The following LAMA1 variants were observed in gnomAD, a reference collection of about 807,000 sequenced individuals.
LAMA1 encodes the protein laminin subunit alpha 1, also known as laminin subunit alpha-1.
In LAMA1, 219 loss-of-function variants were observed where a neutral mutation model predicts 348.7. The observed-to-expected ratio is 0.63, with a 90% confidence interval of 0.56 to 0.70. The LOEUF is 0.70. LAMA1 is among the 30% of genes least tolerant of loss of function. The probability of loss-of-function intolerance (pLI) is 0.00; values close to 1 mark genes in which losing one functional copy is unlikely to be tolerated. For missense variants in LAMA1, 3,744 were observed against 3,888.0 expected (o/e 0.96, Z 0.99); for synonymous variants, 1,487 against 1,491.0 (o/e 1.00, Z 0.06).
intron 37 of LAMA1, 81 bp downstream of exon 37, chr18:6,986,056 C>A: frequency 6.6e-7 from 1 of 1,514,590 alleles, no homozygotes; most frequent in Non-Finnish European, 9.1e-7. Flanking sequence ...CCCAGCCAGG[C>A]CAGGGCTCAC....
At chr18:7,096,414 C>T (rs1403993182) in intron 1 of LAMA1, among the ~76,000 whole-genome samples, 2 of 152,304 alleles carry the variant, frequency 1.3e-5, no homozygotes, top group Non-Finnish European at 2.9e-5. Flanking sequence ...TCGTGGCTCA[C>T]ACCTATAATC....
At chr18:7,081,515 T>C (rs2058193346) in intron 1 of LAMA1, among the ~76,000 whole-genome samples, 1 of 152,232 alleles carries the variant, frequency 6.6e-6, no homozygotes, top group African/African-American at 2.4e-5. Context: ...AAGTCATTAT[T>C]GATCTTTGCC....
intron 13 of LAMA1, 38 bp from the exon 14 acceptor site, chr18:7,034,728 C>A: frequency 6.5e-7 from 1 of 1,545,116 alleles, no homozygotes; most frequent in Non-Finnish European, 8.9e-7. Flanking sequence ...ATTTGTCATT[C>A]AATTTAATGA....
At chr18:7,089,940 C>T (rs536568426) in intron 1 of LAMA1, among the ~76,000 whole-genome samples, 1 of 152,254 alleles carries the variant, frequency 6.6e-6, no homozygotes, top group East Asian at 1.9e-4. Flanking sequence ...ACAAATATAG[C>T]CACGTGTCAT....
chr18:6,950,872 G>A lies in LAMA1; in HGVS notation c.8307C>T (p.His2769=), dbSNP rs148724560. Residue 2769 remains histidine, a synonymous_variant, in exon 58 of 63, where the codon CAC becomes CAT. Transcript: ENST00000389658. ...CAAACATGAAGTGGAGGCGGCCCCC[G>A]TGCAGCTGGAGCACAGCGTAGTCTG... ...NQADYAVLQL[H]GGRLHFMFDL... 2.1e-4 allele frequency: 331 copies of A among 1,614,092 alleles called. 2 individuals carry two copies. The highest frequency in any genetic ancestry group is 1.9e-4 in the Non-Finnish European group (221 of 1,180,020).
chr18:6,976,226 G>A (rs529898700), intron 44 of LAMA1, 146 bp from the exon 45 acceptor site: 7 of 761,498 alleles, frequency 9.2e-6, no homozygotes, highest in Admixed American at 2.1e-5. Context: ...GTTTCATGAA[G>A]TGACATATCA....
chr18:6,958,374 A>C (rs2076274114), intron 55 of LAMA1, 103 bp downstream of exon 55: 1 of 1,324,124 alleles, frequency 7.6e-7, no homozygotes, highest in Non-Finnish European at 1.1e-6. Context: ...GGAATTTGCA[A>C]AGTTTTCAAT....
intron 14 of LAMA1, among the ~76,000 whole-genome samples, 195 bp from the exon 15 acceptor site, chr18:7,033,290 C>A (rs1217067461): frequency 2.6e-5 from 4 of 151,972 alleles, no homozygotes; most frequent in African/African-American, 9.7e-5. Flanking sequence ...TATGGTGAAA[C>A]TATTAAAAAT....
rs139516520 is a variant in LAMA1, at chr18:7,101,895, T to C, written c.61+15765A>G. 3.9e-3 allele frequency among the ~76,000 whole-genome samples: 584 copies of C among 150,720 alleles called. 6 individuals carry two copies. Among genetic ancestry groups the C allele is most frequent in the African/African-American group, 0.013 (537 of 40,938 alleles). ...GGTCTCCCTATGTTGCCCAGGCTGG[T>C]CTCGAACTCCTGGGCTTAAGGGATC... On this transcript the variant is annotated intron_variant, in intron 1 of 62. Coordinates refer to ENST00000389658, the MANE Select transcript of LAMA1 (RefSeq NM_005559.4).
chr18:7,022,648 C>T lies in LAMA1; in HGVS notation c.2701+516G>A, dbSNP rs142324058. Among the ~76,000 whole-genome samples the T allele has an allele frequency of 2.2e-3, 331 of 152,304 alleles. 2 individuals carry two copies. The highest frequency in any genetic ancestry group is 3.8e-3 in the Non-Finnish European group (257 of 68,040). ...GTGCAGGAGAATCTAGTTTTCTCCACGATCCATAATTTCAAGGATCGAATT... is the reference window on the plus strand; with the variant it reads ...GTGCAGGAGAATCTAGTTTTCTCCATGATCCATAATTTCAAGGATCGAATT... On this transcript the variant is annotated intron_variant, in intron 19 of 62. Coordinates refer to ENST00000389658, the MANE Select transcript of LAMA1 (RefSeq NM_005559.4).
At chr18:6,984,994 A>G (rs144940244) in intron 39 of LAMA1, among the ~76,000 whole-genome samples, 87 of 152,326 alleles carry the variant, frequency 5.7e-4, no homozygotes, top group African/African-American at 2.0e-3. Context: ...TATTAATATT[A>G]TACTGTAGCA....
At chr18:7,035,371 G>A (rs778782264) in intron 13 of LAMA1, among the ~76,000 whole-genome samples, 62 of 152,190 alleles carry the variant, frequency 4.1e-4, no homozygotes, top group Middle Eastern at 6.8e-3. Context: ...GGGAAGAAGA[G>A]ACTTCAAAAA....
chr18:7,112,607 T>TATAC (rs138993871), intron 1 of LAMA1, among the ~76,000 whole-genome samples: 16,881 of 150,062 alleles, frequency 0.11, 2,474 homozygotes, highest in African/African-American at 0.34. Context: ...TATATATATA[T>TATAC]ACACACATAT....
At chr18:6,968,228 G>A (rs1324228239) in intron 48 of LAMA1, among the ~76,000 whole-genome samples, 3 of 152,140 alleles carry the variant, frequency 2.0e-5, no homozygotes, top group South Asian at 2.1e-4. Flanking sequence ...TTAGGAGAGC[G>A]TCCGCCCTCC....
Position 6,973,077 on chromosome 18 carries a change from C to A in LAMA1, c.6754G>T (p.Gly2252Cys), listed in dbSNP as rs1005820308. Residue 2252 changes from glycine (G) to cysteine (C), a missense_variant, in exon 47 of 63, where the codon GGT becomes TGT. By Grantham distance (159) the Gly-to-Cys change is radical. This residue lies in a region of LAMA1 where 1,983 missense variants were observed against 1,934.3 expected (regional missense o/e 1.03). Transcript: ENST00000389658. ...VNNSTLMFVG[G>C]LGGQIKKSPA... ...GTTACCTTGATTTGTCCTCCAAGACCTCCAACAAACATGAGTGTTGAATTG... is the reference window on the plus strand; with the variant it reads ...GTTACCTTGATTTGTCCTCCAAGACATCCAACAAACATGAGTGTTGAATTG... 1 of 1,614,170 alleles carries A rather than the reference C, an allele frequency of 6.2e-7. No homozygotes were observed. The highest frequency in any genetic ancestry group is 8.5e-7 in the Non-Finnish European group (1 of 1,180,006).
At chr18:7,043,742 T>C (rs574515422) in intron 7 of LAMA1, among the ~76,000 whole-genome samples, 1 of 152,030 alleles carries the variant, frequency 6.6e-6, no homozygotes, top group East Asian at 1.9e-4. Flanking sequence ...TAACCGCCGA[T>C]AGGTGGTTGT....
rs2057735871 is a variant in LAMA1, at chr18:6,986,423, A to AT, written c.5169-77dup. The AT allele has an allele frequency of 2.3e-6, 3 of 1,319,004 alleles. No homozygotes were observed. The South Asian group carries it at 3.6e-5, about 16-fold the overall frequency. The allele number at this position is 1,319,004 out of a possible 1,614,324, so 81.7% of individuals were successfully genotyped here. A position where few individuals can be genotyped will look rare whatever the true frequency, so the allele number is the denominator to read the frequency against. On this transcript the variant is annotated intron_variant, in intron 36 of 62. Transcript: ENST00000389658. ...TATCTCTGAAATAATAGTGGAAAAAATTTTTACGTATTTATGCCTAGTCTC... is the reference window on the plus strand; with the variant it reads ...TATCTCTGAAATAATAGTGGAAAAAATTTTTTACGTATTTATGCCTAGTCTC...
At position 7,069,713 on chromosome 18, in the gene LAMA1, G is replaced by A. The variant is rs149991623; in HGVS notation, c.345+10262C>T. Among the ~76,000 whole-genome samples the A allele has an allele frequency of 2.4e-3, 366 of 152,168 alleles. 3 individuals are homozygous for A. Among genetic ancestry groups the A allele is most frequent in the African/African-American group, 8.6e-3 (358 of 41,520 alleles). On this transcript the variant is annotated intron_variant, in intron 3 of 62. Transcript: ENST00000389658. ...CCATGTGGAAAGACCACACGGAGAC[G>A]CCCTGAACTCTCATGAACATAGCCT...
intron 1 of LAMA1, among the ~76,000 whole-genome samples, chr18:7,083,193 A>AT (rs10685378): frequency 0.15 from 21,139 of 140,970 alleles, 2,357 homozygotes; most frequent in African/African-American, 0.31. Flanking sequence ...ATATATATAC[A>AT]TTTTTTTTTT....
Sources: gnomAD v4.1 joint callset for allele counts (sites outside exome capture counted in the v4.1 genomes callset) on GRCh38, gnomAD v4.1.1 for gene constraint, gnomAD v4.1.1 regional missense constraint, MANE v1.5 for transcripts, NCBI Gene and HGNC (gene_info 2026-07-23, HGNC 2026-07-21) for gene names.